CPVL: variants seen among roughly 807,000 people sequenced by gnomAD.
CPVL encodes the protein probable serine carboxypeptidase CPVL.
CPVL carries 51 observed loss-of-function variants against 63.7 expected under a neutral mutation model. The ratio of observed to expected loss-of-function variants is 0.80; its 90% confidence interval spans 0.64 to 1.01. The LOEUF is 1.01. Among genes scored for constraint, CPVL ranks in the 50% least tolerant of loss-of-function variants. The probability of loss-of-function intolerance (pLI) is 0.00; values close to 1 mark genes in which losing one functional copy is unlikely to be tolerated. For missense variants in CPVL, 530 were observed against 573.1 expected, an observed-to-expected ratio of 0.92 and a Z score of 0.77; for synonymous variants, 195 against 206.0, an observed-to-expected ratio of 0.95 and a Z score of 0.46.
intron 11 of CPVL, among the ~76,000 whole-genome samples, chr7:29,042,125 G>A (rs562046440): frequency 6.6e-5 from 10 of 152,158 alleles, no homozygotes; most frequent in African/African-American, 9.6e-5. Context: ...AGCGGTCTGC[G>A]GTTCATGAAG....
Position 29,096,220 on chromosome 7 carries a change from A to G in CPVL, c.289-3T>C. On this transcript the variant is annotated splice_region_variant and splice_polypyrimidine_tract_variant and intron_variant, in intron 3 of 12. Transcript: ENST00000265394. ...ACTGGGGCATCTTCTGGCTGTATCT[A>G]GAGGAAACAGTAAAACCAGTGACCA... 2 of 1,609,030 alleles carry G rather than the reference A, an allele frequency of 1.2e-6. No homozygotes were observed. The highest frequency in any genetic ancestry group is 1.7e-6 in the Non-Finnish European group (2 of 1,175,354).
chr7:29,189,471 G>C (rs1247863326), intron 1 of CPVL, among the ~76,000 whole-genome samples: 3 of 152,082 alleles, frequency 2.0e-5, no homozygotes, highest in African/African-American at 7.2e-5. Context: ...CTCACTCCCT[G>C]CTTTTGCCCA....
chr7:29,082,008 A>T (rs1784769541), intron 7 of CPVL, among the ~76,000 whole-genome samples: 1 of 152,272 alleles, frequency 6.6e-6, no homozygotes, highest in African/African-American at 2.4e-5. Context: ...ATTGAAAAGC[A>T]GAAAACCATT....
intron 7 of CPVL, among the ~76,000 whole-genome samples, chr7:29,075,859 G>A (rs1245090467): frequency 6.6e-6 from 1 of 150,590 alleles, no homozygotes; most frequent in Admixed American, 6.6e-5. Flanking sequence ...GACTCAGGCT[G>A]TCACAGAGAA....
chr7:29,038,844 G>C (rs930679506), intron 11 of CPVL, among the ~76,000 whole-genome samples: 5 of 152,222 alleles, frequency 3.3e-5, no homozygotes, highest in Admixed American at 3.3e-4. Flanking sequence ...AAATGGAAGG[G>C]AAGTGGCCTT....
intron 5 of CPVL, among the ~76,000 whole-genome samples, chr7:29,163,918 G>A (rs569552099): frequency 2.0e-5 from 3 of 152,214 alleles, no homozygotes; most frequent in South Asian, 4.2e-4. Context: ...CCATTTACTT[G>A]TTCAAGGACA....
chr7:29,084,612 G>A (rs1785036805), intron 7 of CPVL, among the ~76,000 whole-genome samples: 1 of 152,084 alleles, frequency 6.6e-6, no homozygotes, highest in Non-Finnish European at 1.5e-5. Context: ...AACTGCACCT[G>A]TGTTCTCAAA....
At chr7:29,163,496 G>A (rs1334427588) in intron 5 of CPVL, among the ~76,000 whole-genome samples, 6 of 152,088 alleles carry the variant, frequency 3.9e-5, no homozygotes, top group African/African-American at 1.4e-4. Context: ...TGACACATAT[G>A]TTAATGGGCA....
At position 29,135,371 on chromosome 7, in the gene CPVL, G is replaced by A. The variant is rs550272920; in HGVS notation, c.-11+11058C>T. Among the ~76,000 whole-genome samples the A allele has an allele frequency of 1.2e-3, 185 of 150,440 alleles. 1 individual carries two copies. The highest frequency in any genetic ancestry group is 4.1e-3 in the African/African-American group (166 of 40,880). On this transcript the variant is annotated intron_variant, in intron 1 of 12. Coordinates refer to ENST00000265394, the MANE Select transcript of CPVL (RefSeq NM_031311.5). ...TTTTGAGACGGAGTCTTGCTCTGTC[G>A]CCCAGGCTGGAGTGCAGTGGCGCGA... is the stretch of plus-strand genomic sequence containing the variant.
chr7:29,081,431 G>A (rs1270389243), intron 7 of CPVL: 8 of 152,210 alleles, frequency 5.3e-5, no homozygotes, highest in African/African-American at 1.9e-4. Context: ...TGCACTGAGG[G>A]CAGGCCCACG....
intron 5 of CPVL, among the ~76,000 whole-genome samples, chr7:29,173,852 T>C (rs1220221843): frequency 2.0e-5 from 3 of 150,706 alleles, no homozygotes; most frequent in Non-Finnish European, 4.4e-5. Flanking sequence ...CTTGGGGGGC[T>C]GAGGCACTAG....
chr7:29,034,739 C>T (rs2128157811), intron 11 of CPVL, among the ~76,000 whole-genome samples: 1 of 151,502 alleles, frequency 6.6e-6, no homozygotes, highest in African/African-American at 2.4e-5. Flanking sequence ...AGGGTATCAC[C>T]ATGTTGCCAA....
chr7:29,173,757 T>C (rs527619847), intron 5 of CPVL, among the ~76,000 whole-genome samples: 2 of 147,072 alleles, frequency 1.4e-5, no homozygotes, highest in East Asian at 4.0e-4. Context: ...TCCAACATGG[T>C]GAAACCCTGT....
At chr7:29,098,441 C>A (rs1786683651) in intron 3 of CPVL, among the ~76,000 whole-genome samples, 1 of 152,216 alleles carries the variant, frequency 6.6e-6, no homozygotes, top group Non-Finnish European at 1.5e-5. Context: ...GAGGCGCCAC[C>A]TCTCGGGCTC....
intron 11 of CPVL, among the ~76,000 whole-genome samples, chr7:29,034,606 C>A (rs1275610159): frequency 6.6e-6 from 1 of 151,900 alleles, no homozygotes; most frequent in Non-Finnish European, 1.5e-5. Flanking sequence ...ATGTGTTGTT[C>A]CCCCCATGTG....
chr7:29,183,466 T>A (rs1271224671), intron 4 of CPVL, among the ~76,000 whole-genome samples: 1 of 151,852 alleles, frequency 6.6e-6, no homozygotes, highest in Non-Finnish European at 1.5e-5. Context: ...AACTTTTGTC[T>A]CTTGGGTTCA....
chr7:29,078,510 C>A (rs1637470), intron 7 of CPVL, among the ~76,000 whole-genome samples: 2 of 152,220 alleles, frequency 1.3e-5, no homozygotes, highest in Non-Finnish European at 2.9e-5. Flanking sequence ...TCTGAACACA[C>A]TGGGCCGCAG....
chr7:29,075,027 C>T (rs1006359394), intron 7 of CPVL, among the ~76,000 whole-genome samples: 4 of 152,020 alleles, frequency 2.6e-5, no homozygotes, highest in African/African-American at 9.7e-5. Context: ...ATACTTTTCC[C>T]CTATCAGAAA....
intron 12 of CPVL, among the ~76,000 whole-genome samples, chr7:29,006,870 C>T (rs1430721347): frequency 4.0e-5 from 6 of 151,840 alleles, no homozygotes; most frequent in African/African-American, 1.5e-4. Context: ...CAATTTTTTC[C>T]ATCCCTCTAT....
Sources: allele counts gnomAD v4.1 joint callset (sites outside exome capture counted in the v4.1 genomes callset), GRCh38; gene constraint gnomAD v4.1.1; transcripts MANE v1.5; gene names NCBI Gene and HGNC (gene_info 2026-07-23, HGNC 2026-07-21).